Variants in ZNF888 observed in about 807,000 individuals in gnomAD.
The protein encoded by ZNF888 is zinc finger protein 888.
ZNF888 carries 5 observed loss-of-function variants against 7.2 expected under a neutral mutation model. The observed-to-expected ratio is 0.70, with a 90% CI of 0.36 to 1.46. The LOEUF (loss-of-function observed/expected upper bound fraction) is 1.46, where lower values mean the gene tolerates loss of function less well. Among genes scored for constraint, ZNF888 ranks in the 40% most tolerant of loss-of-function variants. ZNF888 has a pLI of 0.03. For synonymous variants in ZNF888, 240 were observed against 284.3 expected (o/e 0.84, Z 1.57); for missense variants, 716 against 858.0 (o/e 0.83, Z 2.07).
At chr19:52,919,973 C>T (rs1437597141) in intron 1 of ZNF888, among the ~76,000 whole-genome samples, 8 of 51,064 alleles carry the variant, frequency 1.6e-4, no homozygotes, top group South Asian at 1.2e-3. Flanking sequence ...CCAGCCGCCC[C>T]GTCCGGGAGG....
intron 4 of ZNF888, among the ~76,000 whole-genome samples, chr19:52,912,916 T>C (rs1488426536): frequency 6.6e-6 from 1 of 152,062 alleles, no homozygotes; most frequent in East Asian, 1.9e-4. Context: ...GAGACCACCC[T>C]AACCTACAAG....
chr19:52,906,863 T>G lies in ZNF888; in HGVS notation c.1459A>C (p.Ile487Leu), dbSNP rs777619158. 1 of 1,611,984 alleles carries G rather than the reference T, an allele frequency of 6.2e-7. No individual in the cohort carries two copies. ...RKSHLERHRR[I>L]HTGEKPYKCK... ...TTGTATGGTTTCTCACCAGTGTGAATTCTCCTATGTCTTTCAAGGTGTGAT... is the reference window on the plus strand; with the variant it reads ...TTGTATGGTTTCTCACCAGTGTGAAGTCTCCTATGTCTTTCAAGGTGTGAT... Residue 487 changes from isoleucine to leucine, a missense_variant, in exon 5 of 5, where the codon ATT becomes CTT. Physicochemically the swap from Ile to Leu is conservative, Grantham distance 5. Transcript: ENST00000638862.
In ZNF888 at chr19:52,906,617, G is replaced by A; in HGVS notation, c.1705C>T (p.His569Tyr). ...FNHKSSLAYH[H>Y]RLHTGEKPYK... ...GGTTTCTCTCCAGTATGAAGTCTAT[G>A]ATGATATGCAAGGCTTGATTTGTGA... is the stretch of plus-strand genomic sequence containing the variant. The change falls in exon 5 of 5, where the codon CAT becomes TAT. Residue 569 changes from histidine (H) to tyrosine (Y), a missense_variant. His to Tyr is a moderately conservative substitution (Grantham distance 83). Transcript: ENST00000638862. 1 of 1,612,768 alleles carries A rather than the reference G, an allele frequency of 6.2e-7. No homozygotes were observed. The highest frequency in any genetic ancestry group is 1.7e-5 in the Admixed American group (1 of 59,904).
chr19:52,913,695 C>A, intron 4 of ZNF888: 1 of 980,330 alleles, frequency 1.0e-6, no homozygotes, highest in South Asian at 4.7e-5. Flanking sequence ...CAACAATAAC[C>A]TCTGCCCATA....
intron 1 of ZNF888, among the ~76,000 whole-genome samples, chr19:52,920,960 A>AAG (rs2064817692): frequency 2.0e-5 from 3 of 150,552 alleles, no homozygotes; most frequent in African/African-American, 7.4e-5. Context: ...AAAAAAAAAA[A>AAG]AAAAAAAATC....
Position 52,906,476 on chromosome 19 carries a change from T to C in ZNF888, c.1846A>G (p.Asn616Asp). The change falls in exon 5 of 5, where the codon AAT becomes GAT. Residue 616 changes from asparagine (N) to aspartate (D), a missense_variant. Physicochemically the swap from Asn to Asp is conservative, Grantham distance 23. Transcript: ENST00000638862. ...YKCEECDKVF[N>D]IKSHLEIHRR... ...TGTATTTCAAGGTGTGATTTGATAT[T>C]GAAAACTTTGTCACATTCTTCACAT... The C allele has an allele frequency of 1.2e-6, 2 of 1,613,498 alleles. No individual in the cohort carries two copies. Among genetic ancestry groups the C allele is most frequent in the Non-Finnish European group, 1.7e-6 (2 of 1,179,674 alleles).
At position 52,907,097 on chromosome 19, in the gene ZNF888, G is replaced by A; in HGVS notation, c.1225C>T (p.Pro409Ser). 1 of 1,611,556 alleles carries A rather than the reference G, an allele frequency of 6.2e-7. No individual in the cohort carries two copies. The highest frequency in any genetic ancestry group is 8.5e-7 in the Non-Finnish European group (1 of 1,179,464). ...TTGCCACACTCATTACACTTGTAAG[G>A]TTTCTCTCTAGTGTGAATTACAATA... ...QHIVIHTREK[P>S]YKCNECGKTF... Residue 409 changes from proline to serine, a missense_variant, in exon 5 of 5, where the codon CCT (proline) becomes TCT (serine). Pro to Ser is a moderately conservative substitution (Grantham distance 74, BLOSUM62 -1). Around this residue, in one of 2 missense-constraint regions of ZNF888, gnomAD observed 697 missense variants for 803.4 expected, o/e 0.87. Coordinates refer to ENST00000638862, the MANE Select transcript of ZNF888 (RefSeq NM_001393938.1).
rs1448471654 is a variant in ZNF888, at chr19:52,905,680, A to T, written c.*485T>A. The T allele has an allele frequency of 2.4e-6, 1 of 413,818 alleles. No individual in the cohort carries two copies. Among genetic ancestry groups the T allele is most frequent in the African/African-American group, 2.0e-5 (1 of 49,096 alleles). 25.6% of individuals were successfully genotyped at this position (413,818 alleles called of 1,614,324 possible). ...TGAACTCAACGTTAAGTCAACTCAA[A>T]CTCAAGTCAATGCTGAACTGACTCT... On this transcript the variant is annotated 3_prime_UTR_variant, in exon 5 of 5. Coordinates refer to ENST00000638862, the MANE Select transcript of ZNF888 (RefSeq NM_001393938.1).
At chr19:52,911,495 T>C (rs1448204072) in intron 4 of ZNF888, among the ~76,000 whole-genome samples, 7 of 151,364 alleles carry the variant, frequency 4.6e-5, no homozygotes, top group Middle Eastern at 6.9e-3. Context: ...CCCGCCACTA[T>C]GCCCAGCTAA....
intron 4 of ZNF888, 100 bp from the exon 5 acceptor site, chr19:52,908,279 A>C: frequency 8.5e-7 from 1 of 1,170,712 alleles, no homozygotes; most frequent in African/African-American, 1.6e-5. Context: ...TATTTTAAAC[A>C]TCTCAAACAT....
chr19:52,915,121 T>C, intron 4 of ZNF888, 75 bp downstream of exon 4: 1 of 1,538,442 alleles, frequency 6.5e-7, no homozygotes, highest in Non-Finnish European at 8.7e-7. Context: ...CAAGCAAGGA[T>C]GCAACTCCCA....
At chr19:52,915,679 G>A (rs1324005695) in intron 3 of ZNF888, among the ~76,000 whole-genome samples, 1 of 152,018 alleles carries the variant, frequency 6.6e-6, no homozygotes, top group African/African-American at 2.4e-5. Context: ...GTTTCACCAT[G>A]TTGGCCAGGA....
At chr19:52,916,386 C>G (rs1479963992) in intron 3 of ZNF888, among the ~76,000 whole-genome samples, 1 of 151,920 alleles carries the variant, frequency 6.6e-6, no homozygotes, top group East Asian at 1.9e-4. Flanking sequence ...AATAATAAAA[C>G]CTACACAGAC....
At chr19:52,913,656 C>T in intron 4 of ZNF888, 2 of 917,678 alleles carry the variant, frequency 2.2e-6, no homozygotes, top group Non-Finnish European at 2.6e-6. Flanking sequence ...CATTATTATA[C>T]TATAAGTTTA....
At chr19:52,911,769 G>T (rs2064681981) in intron 4 of ZNF888, among the ~76,000 whole-genome samples, 1 of 152,044 alleles carries the variant, frequency 6.6e-6, no homozygotes. Context: ...TGTAAGACTT[G>T]CAATAAATGA....
chr19:52,918,465 C>G (rs2064775642), intron 2 of ZNF888, among the ~76,000 whole-genome samples: 1 of 152,144 alleles, frequency 6.6e-6, no homozygotes, highest in African/African-American at 2.4e-5. Flanking sequence ...GAAACCCTGT[C>G]TGTACCAAAA....
chr19:52,916,621 T>TATAC (rs1555828411), intron 3 of ZNF888, among the ~76,000 whole-genome samples: 380 of 16,092 alleles, frequency 0.024, 2 homozygotes, highest in African/African-American at 0.052. Context: ...TATACATATA[T>TATAC]ATATATATAT....
At chr19:52,910,778 G>A (rs1381877972) in intron 4 of ZNF888, among the ~76,000 whole-genome samples, 1 of 152,052 alleles carries the variant, frequency 6.6e-6, no homozygotes, top group Non-Finnish European at 1.5e-5. Context: ...ATAAATTTCT[G>A]TCTCTTAAGC....
chr19:52,912,370 C>T (rs1270276786), intron 4 of ZNF888, among the ~76,000 whole-genome samples: 1 of 151,346 alleles, frequency 6.6e-6, no homozygotes, highest in Non-Finnish European at 1.5e-5. Context: ...CCCTCGGCCT[C>T]CCAAAGTGCT....
Sources: gnomAD v4.1 joint callset for allele counts (sites outside exome capture counted in the v4.1 genomes callset) on GRCh38, gnomAD v4.1.1 for gene constraint, gnomAD v4.1.1 regional missense constraint, MANE v1.5 for transcripts, NCBI Gene and HGNC (gene_info 2026-07-23, HGNC 2026-07-21) for gene names.